Variants in VPS13D observed in about 807,000 individuals in gnomAD.
The protein encoded by VPS13D is intermembrane lipid transfer protein VPS13D.
VPS13D carries 187 observed loss-of-function variants against 461.9 expected under a neutral mutation model. The observed-to-expected ratio is 0.40, with a 90% confidence interval of 0.36 to 0.46. The LOEUF is 0.46. Ranked by LOEUF, VPS13D falls within the 20% of genes least tolerant of loss-of-function variation. The pLI, the probability that VPS13D is intolerant of heterozygous loss-of-function variation, is 0.60. For synonymous variants in VPS13D, 1,951 were observed against 1,986.3 expected (o/e 0.98, Z 0.47); for missense variants, 4,711 against 5,364.9 (o/e 0.88, Z 3.81).
intron 33 of VPS13D, 47 bp downstream of exon 33, chr1:12,322,011 T>A (rs750149139): frequency 1.9e-6 from 3 of 1,596,054 alleles, no homozygotes; most frequent in Non-Finnish European, 2.6e-6. Context: ...TCTCAAACAC[T>A]GTCCTATGCA....
Position 12,403,910 on chromosome 1 carries a change from A to G in VPS13D, c.11967A>G (p.Lys3989=), listed in dbSNP as rs1644613247. 6 of 1,613,706 alleles carry G rather than the reference A, an allele frequency of 3.7e-6. No homozygotes were observed. In the East Asian group the frequency reaches 1.3e-4, roughly 36 times the overall value. Residue 3989 remains lysine, a synonymous_variant, in exon 63 of 70, where the codon AAA becomes AAG. Coordinates refer to ENST00000620676, the MANE Select transcript of VPS13D (RefSeq NM_015378.4). ...TTCGATACTACTTTGAAAATCTCAA[A>G]ATCAGCATTCCTCAGATCAAGCTAA... ...TPIRYYFENL[K]ISIPQIKLSV...
At chr1:12,438,626 G>A (rs571590454) in intron 65 of VPS13D, among the ~76,000 whole-genome samples, 16 of 152,218 alleles carry the variant, frequency 1.1e-4, no homozygotes, top group African/African-American at 3.1e-4. Context: ...AGCCCTTGCC[G>A]ACCACATGAA....
chr1:12,304,543 A>C lies in VPS13D; in HGVS notation c.6254A>C (p.Lys2085Thr). 6.2e-7 allele frequency: 1 copy of C among 1,614,084 alleles called. No individual in the cohort carries two copies. The change falls in exon 26 of 70, where the codon AAA (lysine) becomes ACA (threonine). Residue 2085 changes from lysine (K) to threonine (T), a missense_variant. Coordinates refer to ENST00000620676, the MANE Select transcript of VPS13D (RefSeq NM_015378.4). The part of the protein sequence containing the change: ...VPSASPTGIP[K>T]HSLRKTTSTE... ...TCAGCTTCCCCAACGGGTATTCCCA[A>C]ACACAGTCTGAGGAAAACGACAAGC...
Position 12,304,543 on chromosome 1 carries a change from A to G in VPS13D, c.6254A>G (p.Lys2085Arg). 6.2e-7 allele frequency: 1 copy of G among 1,614,084 alleles called. No homozygotes were observed. The highest frequency in any genetic ancestry group is 8.5e-7 in the Non-Finnish European group (1 of 1,180,016). The change falls in exon 26 of 70, where the codon AAA (lysine) becomes AGA (arginine). Residue 2085 changes from lysine to arginine, a missense_variant. Physicochemically the swap from Lys to Arg is conservative, Grantham distance 26 (BLOSUM62 2). Transcript: ENST00000620676. The part of the protein sequence containing the change: ...VPSASPTGIP[K>R]HSLRKTTSTE... ...TCAGCTTCCCCAACGGGTATTCCCA[A>G]ACACAGTCTGAGGAAAACGACAAGC...
intron 25 of VPS13D, among the ~76,000 whole-genome samples, chr1:12,300,672 G>T (rs2101461156): frequency 6.6e-6 from 1 of 152,228 alleles, no homozygotes; most frequent in East Asian, 1.9e-4. Context: ...TGTTATTTGT[G>T]TTTTACATTG....
intron 13 of VPS13D, among the ~76,000 whole-genome samples, chr1:12,262,428 A>G (rs923272334): frequency 2.0e-5 from 3 of 152,224 alleles, no homozygotes; most frequent in Non-Finnish European, 4.4e-5. Flanking sequence ...TAGAAGTCAT[A>G]CTTCGGATTT....
chr1:12,357,630 G>A (rs1643897770), intron 49 of VPS13D, among the ~76,000 whole-genome samples: 1 of 152,200 alleles, frequency 6.6e-6, no homozygotes, highest in Non-Finnish European at 1.5e-5. Context: ...CTTGTTAGTG[G>A]TAGAGCTGGA....
In VPS13D at chr1:12,299,510, A is replaced by AT. The variant is rs533560195; in HGVS notation, c.6216+134dup. 5.7e-5 allele frequency: 61 copies of AT among 1,071,974 alleles called. No homozygotes were observed. Among genetic ancestry groups the AT allele is most frequent in the Middle Eastern group, 3.3e-4 (1 of 3,026 alleles). The allele number at this position is 1,071,974 out of a possible 1,614,324, so 66.4% of individuals were successfully genotyped here. A position where few individuals can be genotyped will look rare whatever the true frequency, so the allele number is the denominator to read the frequency against. ...TTTTGTAGGGTATGTGGCTTGAAGA[A>AT]TTTTTTTTGGCATTTTATTGATATT... On this transcript the variant is annotated intron_variant, in intron 25 of 69. Transcript: ENST00000620676. This position sits in a 1 kb window ranked among gnomAD's most constrained non-coding sequence, Gnocchi z 4.2.
At chr1:12,396,783 A>G (rs533095674) in intron 60 of VPS13D, among the ~76,000 whole-genome samples, 12 of 152,244 alleles carry the variant, frequency 7.9e-5, no homozygotes, top group African/African-American at 2.9e-4. Context: ...ATCGTATCCT[A>G]TTTATTTGTG....
intron 62 of VPS13D, among the ~76,000 whole-genome samples, chr1:12,403,499 A>T (rs1644607292): frequency 6.6e-6 from 1 of 152,250 alleles, no homozygotes; most frequent in African/African-American, 2.4e-5. Context: ...TGGGTCATTG[A>T]TAATAACATT....
At chr1:12,346,805 C>G (rs137856278) in intron 44 of VPS13D, among the ~76,000 whole-genome samples, 153 bp downstream of exon 44, 3,301 of 152,282 alleles carry the variant, frequency 0.022, 63 homozygotes, top group African/African-American at 0.038. Flanking sequence ...GATTACCTTC[C>G]TTTTCCAAAA....
Position 12,351,589 on chromosome 1 carries a change from C to CCTTTATCAAAATATTATG in VPS13D, c.9431+2215_9431+2216insCTTTATCAAAATATTATG. 2.7e-5 allele frequency among the ~76,000 whole-genome samples: 4 copies of CCTTTATCAAAATATTATG among 149,712 alleles called. No homozygotes were observed. The East Asian group carries it at 8.1e-4, about 30-fold the overall frequency. ...ACAGGCGTGAGCCACCGTGCCCAGC[C>CCTTTATCAAAATATTATG]AAGTTTTTCTTTTTTTGATTGAGAC... On this transcript the variant is annotated intron_variant, in intron 46 of 69. Transcript: ENST00000620676.
At chr1:12,363,313 C>T in intron 52 of VPS13D, 66 bp downstream of exon 52, 1 of 1,522,098 alleles carries the variant, frequency 6.6e-7, no homozygotes, top group Non-Finnish European at 9.0e-7. Context: ...ACTGTAATAA[C>T]AAGCCTTGTG....
intron 2 of VPS13D, among the ~76,000 whole-genome samples, chr1:12,234,712 C>G (rs1275546216): frequency 2.0e-5 from 3 of 152,206 alleles, no homozygotes; most frequent in African/African-American, 4.8e-5. Flanking sequence ...TGTTTTGTCA[C>G]TTATTAGCTA....
chr1:12,372,679 T>C (rs1022975940), intron 54 of VPS13D, among the ~76,000 whole-genome samples: 1 of 152,178 alleles, frequency 6.6e-6, no homozygotes, highest in Non-Finnish European at 1.5e-5. Flanking sequence ...GATTGTGTCC[T>C]TTCAAGCACA....
In VPS13D at chr1:12,510,274, G is replaced by A. The variant is rs2100574893; in HGVS notation, c.*1250G>A. 4 of 152,324 alleles carry A rather than the reference G, an allele frequency of 2.6e-5. No individual in the cohort carries two copies. The South Asian group carries it at 8.3e-4, about 32-fold the overall frequency. The allele number at this position is 152,324 out of a possible 1,614,324, so 9.4% of individuals were successfully genotyped here. A position where few individuals can be genotyped will look rare whatever the true frequency, so the allele number is the denominator to read the frequency against. ...CTTTTCTGTAAGGATTAAGCAGATA[G>A]GGAGAAGGGAAAAGGGGCCTCACTT... On this transcript the variant is annotated 3_prime_UTR_variant, in exon 70 of 70. Coordinates refer to ENST00000620676, the MANE Select transcript of VPS13D (RefSeq NM_015378.4).
At chr1:12,357,032 G>T (rs1203798037) in intron 49 of VPS13D, among the ~76,000 whole-genome samples, 1 of 152,106 alleles carries the variant, frequency 6.6e-6, no homozygotes, top group Non-Finnish European at 1.5e-5. Context: ...TTAAAAGCAG[G>T]GACAAAAAAC....
chr1:12,392,109 G>A (rs904088087), intron 60 of VPS13D, among the ~76,000 whole-genome samples: 3 of 152,054 alleles, frequency 2.0e-5, no homozygotes, highest in South Asian at 2.1e-4. Flanking sequence ...CCATCTGCCC[G>A]CCTAGGCCTC....
chr1:12,382,033 C>T (rs1474279275), intron 57 of VPS13D, among the ~76,000 whole-genome samples: 4 of 142,216 alleles, frequency 2.8e-5, no homozygotes, highest in Admixed American at 1.5e-4. Context: ...TCCTTTCTTT[C>T]TCTTTCTTTC....
Sources: allele counts gnomAD v4.1 joint callset (sites outside exome capture counted in the v4.1 genomes callset), GRCh38; gene constraint gnomAD v4.1.1; non-coding constraint Gnocchi (gnomAD v3.1); transcripts MANE v1.5; gene names NCBI Gene and HGNC (gene_info 2026-07-23, HGNC 2026-07-21).